Variants in ANKRD31 observed in about 807,000 individuals in gnomAD.
ANKRD31 encodes the protein ankyrin repeat domain-containing protein 31.
ANKRD31 carries 147 observed loss-of-function variants against 186.0 expected under a neutral mutation model. The observed-to-expected ratio is 0.79, with a 90% CI of 0.69 to 0.91. ANKRD31 has a LOEUF of 0.91. ANKRD31 is among the 40% of genes least tolerant of loss of function. The pLI is 0.00. For synonymous variants in ANKRD31, 673 were observed against 736.4 expected, an observed-to-expected ratio of 0.91 and a Z score of 1.39; for missense variants, 1,986 against 2,148.8, an observed-to-expected ratio of 0.92 and a Z score of 1.50.
Position 75,146,882 on chromosome 5 carries a change from A to C in ANKRD31, c.2529T>G (p.His843Gln). The change falls in exon 14 of 26, where the codon CAT becomes CAG. Residue 843 changes from histidine (H) to glutamine (Q), a missense_variant. Physicochemically the swap from His to Gln is conservative, Grantham distance 24 (BLOSUM62 0). Coordinates refer to ENST00000506364, the MANE Select transcript of ANKRD31 (RefSeq NM_001372053.1). The part of the protein sequence containing the change: ...EAVSFPGLLL[H>Q]KEIKLPVVTT... ...TAACAACTGGTAACTTGATTTCTTT[A>C]TGTAATAAAAGCCCTGGGAAAGAAA... 2.6e-6 allele frequency: 4 copies of C among 1,536,384 alleles called. No individual in the cohort carries two copies. Among genetic ancestry groups the C allele is most frequent in the Non-Finnish European group, 3.5e-6 (4 of 1,146,340 alleles).
chr5:75,068,301 G>A lies in ANKRD31; in HGVS notation c.*218C>T, dbSNP rs1743925547. ...GAAAGCCAGAGAGCCAATCAATATGGTCTAGTTCAAATGTGCCTTTATTTC... is the reference window on the plus strand; with the variant it reads ...GAAAGCCAGAGAGCCAATCAATATGATCTAGTTCAAATGTGCCTTTATTTC... On this transcript the variant is annotated 3_prime_UTR_variant, in exon 26 of 26. Transcript: ENST00000506364. 2.0e-5 allele frequency: 8 copies of A among 407,148 alleles called. No individual in the cohort carries two copies. The highest frequency in any genetic ancestry group is 4.5e-5 in the Admixed American group (1 of 22,372). 25.2% of individuals were successfully genotyped at this position (407,148 alleles called of 1,614,324 possible).
intron 25 of ANKRD31, among the ~76,000 whole-genome samples, chr5:75,080,201 C>T (rs1206996043): frequency 6.6e-6 from 1 of 152,124 alleles, no homozygotes. Flanking sequence ...CCATTATAGC[C>T]TATAAGATCT....
intron 10 of ANKRD31, among the ~76,000 whole-genome samples, chr5:75,186,554 G>C (rs547452944): frequency 2.0e-5 from 3 of 152,170 alleles, no homozygotes; most frequent in African/African-American, 7.2e-5. Flanking sequence ...ATCAGAAAGA[G>C]TTCTGCATAA....
chr5:75,228,416 A>G (rs1053405770), intron 2 of ANKRD31, among the ~76,000 whole-genome samples: 1 of 152,218 alleles, frequency 6.6e-6, no homozygotes, highest in African/African-American at 2.4e-5. Context: ...TCTGTCATTT[A>G]GTAGAAATAA....
At position 75,230,557 on chromosome 5, in the gene ANKRD31, C is replaced by G; in HGVS notation, c.178+5G>C. 6.5e-7 allele frequency: 1 copy of G among 1,533,236 alleles called. No individual in the cohort carries two copies. Among genetic ancestry groups the G allele is most frequent in the Non-Finnish European group, 8.7e-7 (1 of 1,143,670 alleles). 95.0% of individuals were successfully genotyped at this position (1,533,236 alleles called of 1,614,324 possible). On this transcript the variant is annotated splice_donor_5th_base_variant and intron_variant, in intron 2 of 25. Transcript: ENST00000506364. Reference sequence around the variant, plus strand: ...GGACTACTTAATGAAAAGAATCATTCTCACCTTTGCACATTCCTCTTGTAT... The same window carrying G: ...GGACTACTTAATGAAAAGAATCATTGTCACCTTTGCACATTCCTCTTGTAT...
intron 2 of ANKRD31, among the ~76,000 whole-genome samples, chr5:75,228,404 A>G (rs1036078913): frequency 6.6e-6 from 1 of 152,220 alleles, no homozygotes; most frequent in Non-Finnish European, 1.5e-5. Flanking sequence ...AATGTAGAAC[A>G]ATCTGTCATT....
chr5:75,198,860 C>T (rs1042565547), intron 6 of ANKRD31, among the ~76,000 whole-genome samples: 1 of 152,158 alleles, frequency 6.6e-6, no homozygotes, highest in African/African-American at 2.4e-5. Flanking sequence ...CCCTATCTTA[C>T]AGATATAAAC....
rs1750723624 is a variant in ANKRD31 at position 75,137,951 on chromosome 5, T to C, written c.3781A>G (p.Ile1261Val). The change falls in exon 17 of 26, where the codon ATT becomes GTT. Residue 1261 changes from isoleucine to valine, a missense_variant. Transcript: ENST00000506364. ...EASNEGSIDIIVELLKAGAKV... is the reference protein window; with the variant it reads ...EASNEGSIDIVVELLKAGAKV... Reference sequence around the variant, plus strand: ...GCACCAGCTTTTAATAACTCTACAATTATATCAATAGATCCTTCATTAGAT... The same window carrying C: ...GCACCAGCTTTTAATAACTCTACAACTATATCAATAGATCCTTCATTAGAT... 3.3e-6 allele frequency: 5 copies of C among 1,532,068 alleles called. No individual in the cohort carries two copies. The highest frequency in any genetic ancestry group is 3.5e-6 in the Non-Finnish European group (4 of 1,144,722). The allele number at this position is 1,532,068 out of a possible 1,614,324, so 94.9% of individuals were successfully genotyped here. A position where few individuals can be genotyped will look rare whatever the true frequency, so the allele number is the denominator to read the frequency against.
intron 6 of ANKRD31, among the ~76,000 whole-genome samples, chr5:75,196,620 A>T (rs537985217): frequency 6.6e-6 from 1 of 152,210 alleles, no homozygotes; most frequent in Non-Finnish European, 1.5e-5. Context: ...ACTAGGAATA[A>T]AATTTCACCT....
At chr5:75,124,750 T>C (rs545803400) in intron 17 of ANKRD31, among the ~76,000 whole-genome samples, 17 of 151,986 alleles carry the variant, frequency 1.1e-4, no homozygotes, top group Non-Finnish European at 2.2e-4. Context: ...TTCTCACTTA[T>C]AAGTAAGAGC....
intron 11 of ANKRD31, among the ~76,000 whole-genome samples, chr5:75,158,945 G>T (rs1269848247): frequency 6.6e-6 from 1 of 151,966 alleles, no homozygotes; most frequent in Non-Finnish European, 1.5e-5. Context: ...TTATAAATAT[G>T]TTCAAAGAGC....
chr5:75,104,983 G>A lies in ANKRD31; in HGVS notation c.4576C>T (p.His1526Tyr). 1 of 1,537,022 alleles carries A rather than the reference G, an allele frequency of 6.5e-7. No individual in the cohort carries two copies. Among genetic ancestry groups the A allele is most frequent in the Non-Finnish European group, 8.7e-7 (1 of 1,146,858 alleles). ...GGAGAAAGTGAACCTGATTGGGGAT[G>A]CTCTAAATTTTCCAGACTAGTGAGC... ...QELTSLENLE[H>Y]PQSGSLSPVS... Residue 1526 changes from histidine (H) to tyrosine (Y), a missense_variant, in exon 22 of 26, where the codon CAT (histidine) becomes TAT (tyrosine). His to Tyr is a moderately conservative substitution (Grantham distance 83, BLOSUM62 2). Coordinates refer to ENST00000506364, the MANE Select transcript of ANKRD31 (RefSeq NM_001372053.1).
At chr5:75,133,518 C>G (rs1750059635) in intron 17 of ANKRD31, among the ~76,000 whole-genome samples, 1 of 152,118 alleles carries the variant, frequency 6.6e-6, no homozygotes, top group African/African-American at 2.4e-5. Flanking sequence ...CATAAAGCAA[C>G]TCCTTAGTGT....
chr5:75,128,862 G>T (rs1027218352), intron 17 of ANKRD31, among the ~76,000 whole-genome samples: 1 of 151,964 alleles, frequency 6.6e-6, no homozygotes, highest in Non-Finnish European at 1.5e-5. Flanking sequence ...AAACCAGCAG[G>T]TTCATCACTT....
chr5:75,078,252 A>G lies in ANKRD31; in HGVS notation c.5647+2316T>C, dbSNP rs1373016707. ...CGAGGTTTAAAAAGCGCTTAACCAC[A>G]TAAAACAGAAGCACCTGTGGATGTT... On this transcript the variant is annotated intron_variant, in intron 25 of 25. Transcript: ENST00000506364. Among the ~76,000 whole-genome samples the G allele has an allele frequency of 2.6e-5, 4 of 152,338 alleles. No individual in the cohort carries two copies. The East Asian group carries it at 7.7e-4, about 29-fold the overall frequency.
At chr5:75,113,543 A>T (rs1747948378) in intron 19 of ANKRD31, among the ~76,000 whole-genome samples, 3 of 152,020 alleles carry the variant, frequency 2.0e-5, no homozygotes, top group Admixed American at 1.3e-4. Flanking sequence ...GTTCATAGCT[A>T]TTGCTCCATT....
intron 3 of ANKRD31, among the ~76,000 whole-genome samples, chr5:75,218,309 A>G (rs149816777): frequency 6.6e-6 from 1 of 152,198 alleles, no homozygotes; most frequent in Non-Finnish European, 1.5e-5. Context: ...AGAGACAACT[A>G]TCAACACCTC....
chr5:75,170,441 T>A (rs991203543), intron 10 of ANKRD31, among the ~76,000 whole-genome samples: 1 of 152,132 alleles, frequency 6.6e-6, no homozygotes, highest in African/African-American at 2.4e-5. Flanking sequence ...AATTAAAAGG[T>A]AAGACTGTCT....
chr5:75,111,841 A>G (rs1200734944), intron 20 of ANKRD31, among the ~76,000 whole-genome samples: 1 of 152,152 alleles, frequency 6.6e-6, no homozygotes, highest in Non-Finnish European at 1.5e-5. Context: ...TAAGACATCC[A>G]CCTGTTACAT....
Sources: allele counts gnomAD v4.1 joint callset (sites outside exome capture counted in the v4.1 genomes callset), GRCh38; gene constraint gnomAD v4.1.1; transcripts MANE v1.5; gene names NCBI Gene and HGNC (gene_info 2026-07-23, HGNC 2026-07-21).